Variants in TCEA1 observed in about 807,000 individuals in gnomAD.
TCEA1 encodes transcription elongation factor A1.
Under a neutral mutation model 43.8 loss-of-function variants are expected in TCEA1, and 21 were observed. The observed-to-expected ratio is 0.48, with a 90% CI of 0.34 to 0.69. The LOEUF is 0.69. TCEA1 is among the 30% of genes least tolerant of loss of function. TCEA1 has a pLI of 0.01. For missense variants in TCEA1, 250 were observed against 365.1 expected (o/e 0.68, Z 2.57); for synonymous variants, 104 against 117.5 (o/e 0.88, Z 0.75).
intron 1 of TCEA1, among the ~76,000 whole-genome samples, chr8:54,019,938 G>A (rs553141896): frequency 2.7e-4 from 41 of 152,274 alleles, no homozygotes; most frequent in Admixed American, 7.9e-4. Context: ...ACTTAGATTT[G>A]AGAAGAAAAC....
At chr8:53,984,051 G>T (rs1803607580) in intron 7 of TCEA1, among the ~76,000 whole-genome samples, 1 of 152,214 alleles carries the variant, frequency 6.6e-6, no homozygotes, top group Admixed American at 6.5e-5. Flanking sequence ...GGTGGGCCAA[G>T]ATCGTGCCAT....
intron 8 of TCEA1, chr8:53,972,435 G>A: frequency 5.6e-6 from 3 of 535,224 alleles, no homozygotes; most frequent in South Asian, 4.5e-5. Flanking sequence ...GTTTCCAGAA[G>A]AATCAAGTTT....
chr8:53,977,755 C>T (rs1462153286), intron 8 of TCEA1, among the ~76,000 whole-genome samples: 7 of 151,862 alleles, frequency 4.6e-5, no homozygotes, highest in Admixed American at 1.3e-4. Context: ...AACTATAACA[C>T]GGTTTTCAGC....
At chr8:54,021,758 T>C (rs1805040651) in intron 1 of TCEA1, 1 of 281,484 alleles carries the variant, frequency 3.6e-6, no homozygotes, top group Non-Finnish European at 6.5e-6. Context: ...ATTGCCAAGG[T>C]TTTACTAGCA....
chr8:54,019,873 CCTTT>C (rs145507968), intron 1 of TCEA1, among the ~76,000 whole-genome samples: 267 of 152,222 alleles, frequency 1.8e-3, no homozygotes, highest in African/African-American at 5.8e-3. Context: ...GTCAGTTTTA[CCTTT>C]CTTTTTGGGA....
chr8:53,974,799 G>T (rs1803277439), intron 8 of TCEA1, among the ~76,000 whole-genome samples: 1 of 151,982 alleles, frequency 6.6e-6, no homozygotes, highest in Admixed American at 6.6e-5. Flanking sequence ...CAAAGTGTTG[G>T]GATTCCAGAT....
chr8:54,001,739 G>C (rs1804270600), intron 2 of TCEA1, among the ~76,000 whole-genome samples: 2 of 152,082 alleles, frequency 1.3e-5, no homozygotes, highest in Non-Finnish European at 2.9e-5. Context: ...AGGATGTTTT[G>C]ATTACTAAAA....
chr8:54,013,680 C>CAAAAAAAAAAAA (rs5891511), intron 1 of TCEA1, among the ~76,000 whole-genome samples: 20 of 65,298 alleles, frequency 3.1e-4, no homozygotes, highest in East Asian at 1.6e-3. Context: ...AACTCCATCT[C>CAAAAAAAAAAAA]AAAAAAAAAA....
chr8:54,000,417 T>C (rs548100530), intron 2 of TCEA1, among the ~76,000 whole-genome samples: 1 of 152,332 alleles, frequency 6.6e-6, no homozygotes, highest in South Asian at 2.1e-4. Flanking sequence ...CATTTCTTTG[T>C]TTCTATACAT....
intron 8 of TCEA1, chr8:53,971,979 G>A (rs1803171499): frequency 5.3e-6 from 1 of 190,030 alleles, no homozygotes; most frequent in South Asian, 1.1e-4. Context: ...AAGTACAAAA[G>A]AGAAAAAAAA....
rs569866841 is a variant in TCEA1 at position 53,990,397 on chromosome 8, C to T, written c.321-2138G>A. 3.3e-3 allele frequency among the ~76,000 whole-genome samples: 498 copies of T among 150,044 alleles called. 2 individuals carry two copies. Among genetic ancestry groups the T allele is most frequent in the African/African-American group, 0.012 (475 of 40,936 alleles). ...TTTTTTCTTTTGAGACAGTCTTACG[C>T]TGTCACCCAGACTGGAGTGCAGTGA... On this transcript the variant is annotated intron_variant, in intron 4 of 9. Coordinates refer to ENST00000521604, the MANE Select transcript of TCEA1 (RefSeq NM_006756.4).
At chr8:54,006,752 T>C (rs924166896) in intron 2 of TCEA1, among the ~76,000 whole-genome samples, 5 of 152,212 alleles carry the variant, frequency 3.3e-5, no homozygotes, top group Admixed American at 6.5e-5. Context: ...TGCTGATCAT[T>C]AGACAGAAAC....
chr8:54,002,791 T>C, intron 2 of TCEA1: 1 of 419,464 alleles, frequency 2.4e-6, no homozygotes, highest in East Asian at 7.1e-5. Context: ...TAATGAAAGC[T>C]TTCAGGACAA....
chr8:53,996,153 C>T (rs1401512044), intron 3 of TCEA1, among the ~76,000 whole-genome samples: 1 of 152,260 alleles, frequency 6.6e-6, no homozygotes, highest in Admixed American at 6.5e-5. Context: ...AACTATCTCA[C>T]ACACTGCTCT....
chr8:53,993,801 A>G (rs781357747), intron 3 of TCEA1, 46 bp from the exon 4 acceptor site: 11 of 1,490,746 alleles, frequency 7.4e-6, no homozygotes, highest in Non-Finnish European at 9.3e-6. Context: ...TGTAAAAACT[A>G]AAAACTAAAA....
At chr8:53,993,901 T>A in intron 3 of TCEA1, 146 bp from the exon 4 acceptor site, 1 of 653,874 alleles carries the variant, frequency 1.5e-6, no homozygotes, top group Non-Finnish European at 2.6e-6. Flanking sequence ...TTAGCATATG[T>A]ACTATTTTTC....
intron 7 of TCEA1, among the ~76,000 whole-genome samples, chr8:53,979,478 A>C (rs960166220): frequency 6.6e-6 from 1 of 152,222 alleles, no homozygotes; most frequent in African/African-American, 2.4e-5. Context: ...TCTTGCTTCT[A>C]GTGTCACAGG....
At chr8:53,976,971 A>G (rs1563466850) in intron 8 of TCEA1, among the ~76,000 whole-genome samples, 1 of 152,248 alleles carries the variant, frequency 6.6e-6, no homozygotes, top group African/African-American at 2.4e-5. Context: ...ACATGTCTGT[A>G]AACAGTAGAA....
chr8:54,013,348 A>G (rs1048458732), intron 1 of TCEA1, among the ~76,000 whole-genome samples: 1 of 152,150 alleles, frequency 6.6e-6, no homozygotes, highest in African/African-American at 2.4e-5. Context: ...ATTCAAATAA[A>G]TATTTCACTG....
Sources: gnomAD v4.1 joint callset for allele counts (sites outside exome capture counted in the v4.1 genomes callset) on GRCh38, gnomAD v4.1.1 for gene constraint, MANE v1.5 for transcripts, NCBI Gene and HGNC (gene_info 2026-07-23, HGNC 2026-07-21) for gene names.